The following DCDC1 variants were observed in gnomAD, a reference collection of about 807,000 sequenced individuals.
DCDC1 encodes the protein doublecortin domain-containing protein 1.
DCDC1 carries 200 observed loss-of-function variants against 178.3 expected under a neutral mutation model. That is an observed-to-expected ratio of 1.12 (90% CI 1.00 to 1.26). The LOEUF is 1.26. Ranked by LOEUF, DCDC1 falls within the 50% of genes most tolerant of loss-of-function variation. The pLI, the probability that DCDC1 is intolerant of heterozygous loss-of-function variation, is 0.00. For synonymous variants in DCDC1, 690 were observed against 604.8 expected, an observed-to-expected ratio of 1.14 and a Z score of -2.07; for missense variants, 1,983 against 1,749.2, an observed-to-expected ratio of 1.13 and a Z score of -2.38.
intron 7 of DCDC1, among the ~76,000 whole-genome samples, chr11:31,279,709 G>A (rs1946280133): frequency 6.6e-6 from 1 of 152,018 alleles, no homozygotes; most frequent in Admixed American, 6.6e-5. Flanking sequence ...ACACAGGGAG[G>A]GGAACATCAC....
At chr11:31,338,503 T>G (rs950462123) in intron 1 of DCDC1, among the ~76,000 whole-genome samples, 13 of 152,220 alleles carry the variant, frequency 8.5e-5, no homozygotes, top group African/African-American at 3.1e-4. Flanking sequence ...TTTTGGTGGC[T>G]AAAAGGTTGG....
At chr11:30,892,006 C>G (rs1943824127) in intron 36 of DCDC1, among the ~76,000 whole-genome samples, 1 of 152,130 alleles carries the variant, frequency 6.6e-6, no homozygotes, top group African/African-American at 2.4e-5. Context: ...CACCCCCCAC[C>G]ACCAACAACA....
intron 20 of DCDC1, among the ~76,000 whole-genome samples, chr11:31,017,517 A>G (rs1360547853): frequency 1.3e-5 from 2 of 152,122 alleles, no homozygotes; most frequent in Non-Finnish European, 2.9e-5. Flanking sequence ...TATTTGTAAA[A>G]GGATCAACTA....
intron 20 of DCDC1, among the ~76,000 whole-genome samples, chr11:31,063,528 A>G (rs192801154): frequency 3.9e-5 from 6 of 152,230 alleles, no homozygotes; most frequent in African/African-American, 1.2e-4. Context: ...TTTTAATTGA[A>G]ATAAGTTTTT....
intron 20 of DCDC1, among the ~76,000 whole-genome samples, chr11:30,975,505 G>C (rs1201300358): frequency 2.0e-5 from 3 of 151,852 alleles, no homozygotes; most frequent in African/African-American, 7.2e-5. Flanking sequence ...AAACCTCTGA[G>C]ATAATCAATA....
intron 20 of DCDC1, among the ~76,000 whole-genome samples, chr11:30,964,199 G>A (rs913204348): frequency 2.6e-5 from 4 of 152,074 alleles, no homozygotes; most frequent in African/African-American, 9.7e-5. Flanking sequence ...AAACTTACAG[G>A]TCTGTGTGAG....
At chr11:31,182,578 G>A (rs537518602) in intron 9 of DCDC1, among the ~76,000 whole-genome samples, 1 of 152,146 alleles carries the variant, frequency 6.6e-6, no homozygotes, top group South Asian at 2.1e-4. Flanking sequence ...CCTGAAGGAA[G>A]CACTAAATAT....
chr11:30,994,728 A>G (rs1347263095), intron 20 of DCDC1, among the ~76,000 whole-genome samples: 2 of 144,442 alleles, frequency 1.4e-5, no homozygotes, highest in Admixed American at 7.1e-5. Context: ...GTTATAATAT[A>G]TTATATATTT....
intron 38 of DCDC1, among the ~76,000 whole-genome samples, chr11:30,866,616 G>A (rs1481173293): frequency 6.6e-6 from 1 of 152,124 alleles, no homozygotes; most frequent in African/African-American, 2.4e-5. Flanking sequence ...ACTAAGGAGA[G>A]GAATGGCACA....
intron 1 of DCDC1, among the ~76,000 whole-genome samples, chr11:31,351,001 A>G (rs574440360): frequency 1.3e-5 from 2 of 152,080 alleles, no homozygotes; most frequent in African/African-American, 2.4e-5. Flanking sequence ...TCAGAAATTT[A>G]TTATGAATCA....
At chr11:31,102,699 A>G (rs1958590250) in intron 14 of DCDC1, among the ~76,000 whole-genome samples, 1 of 152,252 alleles carries the variant, frequency 6.6e-6, no homozygotes, top group African/African-American at 2.4e-5. Context: ...TGCAGTGTCC[A>G]ATATGGTAGT....
intron 20 of DCDC1, among the ~76,000 whole-genome samples, chr11:31,008,738 C>A (rs1002844676): frequency 6.6e-6 from 1 of 152,210 alleles, no homozygotes; most frequent in Non-Finnish European, 1.5e-5. Flanking sequence ...ATGAGTTGCA[C>A]TGCAGCCATC....
intron 1 of DCDC1, among the ~76,000 whole-genome samples, chr11:31,341,382 T>TATAG (rs10552471): frequency 0.037 from 4,945 of 134,744 alleles, 91 homozygotes; most frequent in East Asian, 0.052. Flanking sequence ...ATTCCAGTTT[T>TATAG]ATAGATAGAT....
At chr11:30,876,746 A>C (rs1326196374) in intron 38 of DCDC1, among the ~76,000 whole-genome samples, 1 of 152,130 alleles carries the variant, frequency 6.6e-6, no homozygotes, top group Non-Finnish European at 1.5e-5. Context: ...CCCTGGCAGG[A>C]AAGTGATAGG....
At chr11:31,359,362 C>A (rs1951580073) in intron 1 of DCDC1, among the ~76,000 whole-genome samples, 1 of 143,810 alleles carries the variant, frequency 7.0e-6, no homozygotes, top group East Asian at 2.1e-4. Flanking sequence ...CATATTCTCA[C>A]TCATAGGTGG....
chr11:31,273,984 C>T (rs1945785440), intron 7 of DCDC1, among the ~76,000 whole-genome samples: 1 of 152,078 alleles, frequency 6.6e-6, no homozygotes, highest in Non-Finnish European at 1.5e-5. Flanking sequence ...TGTGAAAGAC[C>T]CATCCCCATG....
At chr11:31,162,712 C>G (rs762680925) in intron 9 of DCDC1, among the ~76,000 whole-genome samples, 22 of 152,102 alleles carry the variant, frequency 1.4e-4, no homozygotes, top group Admixed American at 4.6e-4. Context: ...CAATGTATTT[C>G]TGAAGAATTT....
At chr11:30,946,140 A>T (rs1948038558) in intron 21 of DCDC1, among the ~76,000 whole-genome samples, 1 of 152,150 alleles carries the variant, frequency 6.6e-6, no homozygotes, top group Admixed American at 6.5e-5. Flanking sequence ...ATATGGAGGT[A>T]CTTGTGATGT....
chr11:31,367,764 C>T (rs539968675), intron 1 of DCDC1, among the ~76,000 whole-genome samples: 14 of 152,106 alleles, frequency 9.2e-5, no homozygotes, highest in African/African-American at 2.4e-4. Flanking sequence ...CTTGCACTTA[C>T]GGCTTACATT....
Sources: allele counts gnomAD v4.1 joint callset (sites outside exome capture counted in the v4.1 genomes callset), GRCh38; gene constraint gnomAD v4.1.1; transcripts MANE v1.5; gene names NCBI Gene and HGNC (gene_info 2026-07-23, HGNC 2026-07-21).